SDK1: variants seen among roughly 807,000 people sequenced by gnomAD.
SDK1 encodes protein sidekick-1.
SDK1 carries 157 observed loss-of-function variants against 245.5 expected under a neutral mutation model. The observed-to-expected ratio is 0.64, with a 90% CI of 0.56 to 0.73. SDK1 has a LOEUF of 0.73. Ranked by LOEUF, SDK1 falls within the 30% of genes least tolerant of loss-of-function variation. SDK1 has a pLI of 0.00. For synonymous variants in SDK1, 1,647 were observed against 1,278.5 expected, an observed-to-expected ratio of 1.29 and a Z score of -6.15; for missense variants, 3,583 against 3,002.3, an observed-to-expected ratio of 1.19 and a Z score of -4.52.
intron 1 of SDK1, among the ~76,000 whole-genome samples, chr7:3,388,365 G>C (rs528377598): frequency 6.7e-6 from 1 of 149,594 alleles, no homozygotes; most frequent in African/African-American, 2.5e-5. Context: ...AATCTCATCT[G>C]TCAAACGCTA....
intron 5 of SDK1, among the ~76,000 whole-genome samples, chr7:3,908,468 C>G (rs546379555): frequency 3.5e-4 from 54 of 152,332 alleles, no homozygotes; most frequent in Admixed American, 2.7e-3. Context: ...CAGCGGTCCA[C>G]TCAGCTGCGT....
intron 1 of SDK1, among the ~76,000 whole-genome samples, chr7:3,581,164 G>A (rs773440444): frequency 1.3e-5 from 2 of 151,986 alleles, no homozygotes; most frequent in African/African-American, 2.4e-5. Flanking sequence ...TATCAACAGA[G>A]TATGCAGACA....
At chr7:3,944,403 C>G (rs952913245) in intron 5 of SDK1, among the ~76,000 whole-genome samples, 1 of 152,162 alleles carries the variant, frequency 6.6e-6, no homozygotes, top group African/African-American at 2.4e-5. Flanking sequence ...GAACTGAGGC[C>G]TTATTCGTTG....
intron 4 of SDK1, among the ~76,000 whole-genome samples, chr7:3,677,551 G>A (rs1218681767): frequency 6.6e-6 from 1 of 152,136 alleles, no homozygotes. Context: ...AATGGTATGG[G>A]GGAAACCACC....
chr7:4,025,156 C>A (rs1453973708), intron 17 of SDK1, among the ~76,000 whole-genome samples: 3 of 152,202 alleles, frequency 2.0e-5, no homozygotes, highest in Admixed American at 6.5e-5. Flanking sequence ...GCTGCTGTGA[C>A]CACGGAATTG....
intron 5 of SDK1, among the ~76,000 whole-genome samples, chr7:3,822,016 T>A (rs1779659252): frequency 6.6e-6 from 1 of 152,202 alleles, no homozygotes; most frequent in African/African-American, 2.4e-5. Context: ...ATTAGCAGTA[T>A]TTAAGCATAA....
intron 1 of SDK1, among the ~76,000 whole-genome samples, chr7:3,454,168 A>G (rs1373831245): frequency 2.6e-5 from 4 of 152,292 alleles, no homozygotes; most frequent in African/African-American, 7.2e-5. Flanking sequence ...TACTCATTCT[A>G]TAAAAATTTG....
intron 44 of SDK1, among the ~76,000 whole-genome samples, chr7:4,250,139 C>T (rs995294722): frequency 3.9e-5 from 6 of 152,168 alleles, no homozygotes; most frequent in East Asian, 1.9e-4. Flanking sequence ...CTAAATAAAT[C>T]GTACAGTATG....
chr7:3,379,923 C>A (rs1465465881), intron 1 of SDK1, among the ~76,000 whole-genome samples: 1 of 152,114 alleles, frequency 6.6e-6, no homozygotes, highest in Admixed American at 6.5e-5. Context: ...ATTCCCAAAT[C>A]TGAAAAAGAT....
chr7:3,475,888 T>G (rs1781334961), intron 1 of SDK1, among the ~76,000 whole-genome samples: 2 of 152,232 alleles, frequency 1.3e-5, no homozygotes, highest in African/African-American at 4.8e-5. Context: ...GACATGGGAT[T>G]CCTGCCCAAA....
chr7:3,594,016 T>C (rs1780973273), intron 1 of SDK1, among the ~76,000 whole-genome samples: 1 of 152,160 alleles, frequency 6.6e-6, no homozygotes, highest in African/African-American at 2.4e-5. Flanking sequence ...TTTTAACATG[T>C]TTAGGGAGTT....
chr7:3,681,613 A>T (rs1784103306), intron 4 of SDK1, among the ~76,000 whole-genome samples: 1 of 152,226 alleles, frequency 6.6e-6, no homozygotes, highest in Non-Finnish European at 1.5e-5. Flanking sequence ...CTTACAGTGT[A>T]TATTATGTGT....
At chr7:4,039,919 C>A (rs938476979) in intron 17 of SDK1, among the ~76,000 whole-genome samples, 1 of 152,116 alleles carries the variant, frequency 6.6e-6, no homozygotes, top group Non-Finnish European at 1.5e-5. Flanking sequence ...CATAATCATA[C>A]GTTTTACTTA....
chr7:3,909,877 A>C (rs1779102630), intron 5 of SDK1, among the ~76,000 whole-genome samples: 1 of 152,224 alleles, frequency 6.6e-6, no homozygotes, highest in Non-Finnish European at 1.5e-5. Flanking sequence ...ATGGAAATGC[A>C]GCTTTGAAAA....
At chr7:4,064,704 A>G (rs1239611402) in intron 19 of SDK1, among the ~76,000 whole-genome samples, 1 of 152,218 alleles carries the variant, frequency 6.6e-6, no homozygotes, top group African/African-American at 2.4e-5. Flanking sequence ...TGTGGTGTAT[A>G]TACATAGTGG....
intron 4 of SDK1, among the ~76,000 whole-genome samples, chr7:3,717,196 C>T (rs1237495087): frequency 2.0e-5 from 3 of 152,082 alleles, no homozygotes; most frequent in African/African-American, 7.2e-5. Flanking sequence ...TAGACCATAT[C>T]CTGGTTCATA....
intron 5 of SDK1, among the ~76,000 whole-genome samples, chr7:3,943,532 A>C (rs1163923216): frequency 1.4e-5 from 2 of 146,044 alleles, no homozygotes; most frequent in East Asian, 2.1e-4. Flanking sequence ...CATTTCCCCC[A>C]CCCCACCCCT....
Position 3,951,727 on chromosome 7 carries a change from C to T in SDK1, c.960-3C>T, listed in dbSNP as rs780890033. On this transcript the variant is annotated splice_region_variant and splice_polypyrimidine_tract_variant and intron_variant, in intron 6 of 44. Coordinates refer to ENST00000404826, the MANE Select transcript of SDK1 (RefSeq NM_152744.4). ...TCGTCATGAATGCCTTTCATTCCCA[C>T]AGGCCTGTGGAGGACCTGAGTGTGA... 2.5e-6 allele frequency: 4 copies of T among 1,612,466 alleles called. No homozygotes were observed. Among genetic ancestry groups the T allele is most frequent in the East Asian group, 2.2e-5 (1 of 44,880 alleles).
intron 22 of SDK1, among the ~76,000 whole-genome samples, chr7:4,098,829 T>C (rs1233190442): frequency 7.6e-6 from 1 of 131,506 alleles, no homozygotes; most frequent in Admixed American, 7.4e-5. Flanking sequence ...ATGCCCTTTT[T>C]TTTTTTTTTT....
Sources: gnomAD v4.1 joint callset for allele counts (sites outside exome capture counted in the v4.1 genomes callset) on GRCh38, gnomAD v4.1.1 for gene constraint, MANE v1.5 for transcripts, NCBI Gene and HGNC (gene_info 2026-07-23, HGNC 2026-07-21) for gene names.